VPS50: variants seen among roughly 807,000 people sequenced by gnomAD.
VPS50 encodes the protein syndetin.
VPS50 carries 70 observed loss-of-function variants against 139.7 expected under a neutral mutation model. The ratio of observed to expected loss-of-function variants is 0.50; its 90% CI spans 0.41 to 0.61. The LOEUF is 0.61. Ranked by LOEUF, VPS50 falls within the 20% of genes least tolerant of loss-of-function variation. The pLI, the probability that VPS50 is intolerant of heterozygous loss-of-function variation, is 0.00. For synonymous variants in VPS50, 365 were observed against 376.7 expected (o/e 0.97, Z 0.36); for missense variants, 921 against 1,133.7 (o/e 0.81, Z 2.69).
At position 93,311,429 on chromosome 7, in the gene VPS50, C is replaced by T. The variant is rs146344653; in HGVS notation, c.1855+157C>T. Reference sequence around the variant, plus strand: ...GTCAATGCTTCTCATTTTAAATGTTCCAAATACTATAATACTAATAGTAAT... The same window carrying T: ...GTCAATGCTTCTCATTTTAAATGTTTCAAATACTATAATACTAATAGTAAT... On this transcript the variant is annotated intron_variant, in intron 20 of 27. Coordinates refer to ENST00000305866, the MANE Select transcript of VPS50 (RefSeq NM_017667.4). Among the ~76,000 whole-genome samples the T allele has an allele frequency of 2.6e-5, 4 of 152,164 alleles. No homozygotes were observed. In the East Asian group the frequency reaches 7.7e-4, roughly 29 times the overall value.
chr7:93,357,544 T>C (rs562035277), intron 27 of VPS50, among the ~76,000 whole-genome samples: 282 of 152,272 alleles, frequency 1.9e-3, no homozygotes, highest in African/African-American at 6.5e-3. Flanking sequence ...TGCCAAGTTT[T>C]TAAAATCAAT....
At chr7:93,331,906 A>G (rs1277462822) in intron 21 of VPS50, among the ~76,000 whole-genome samples, 1 of 152,192 alleles carries the variant, frequency 6.6e-6, no homozygotes, top group Non-Finnish European at 1.5e-5. Flanking sequence ...ATGGGAAGAG[A>G]TTTTATCAGG....
intron 23 of VPS50, among the ~76,000 whole-genome samples, chr7:93,344,042 A>G (rs947000670): frequency 6.6e-6 from 1 of 152,200 alleles, no homozygotes; most frequent in African/African-American, 2.4e-5. Flanking sequence ...GGCAAATTGG[A>G]TAAAGAGTCA....
chr7:93,249,070 A>G (rs1795238980), intron 2 of VPS50, among the ~76,000 whole-genome samples: 1 of 151,990 alleles, frequency 6.6e-6, no homozygotes, highest in Admixed American at 6.6e-5. Flanking sequence ...TCAGAGTATC[A>G]GGTGTTCCAT....
chr7:93,303,346 T>C, intron 16 of VPS50, 114 bp from the exon 17 acceptor site: 1 of 450,432 alleles, frequency 2.2e-6, no homozygotes, highest in Non-Finnish European at 3.9e-6. Flanking sequence ...TCAAAGTTGA[T>C]TATGATCATG....
intron 17 of VPS50, among the ~76,000 whole-genome samples, chr7:93,305,211 C>T (rs36046095): frequency 0.02 from 3,041 of 151,972 alleles, 49 homozygotes; most frequent in Middle Eastern, 0.061. Flanking sequence ...GCCTCAGTTT[C>T]CTCATGTGGT....
At chr7:93,327,902 A>C (rs1357794760) in intron 21 of VPS50, among the ~76,000 whole-genome samples, 2 of 152,204 alleles carry the variant, frequency 1.3e-5, no homozygotes, top group African/African-American at 4.8e-5. Flanking sequence ...TGTCAGAAGA[A>C]AGGGACTTGT....
At chr7:93,258,495 A>G in intron 8 of VPS50, 103 bp downstream of exon 8, 1 of 864,200 alleles carries the variant, frequency 1.2e-6, no homozygotes, top group Non-Finnish European at 1.9e-6. Context: ...TTTATGATAT[A>G]AAGAATATTT....
At chr7:93,307,396 A>C (rs1447916396) in intron 18 of VPS50, among the ~76,000 whole-genome samples, 1 of 151,950 alleles carries the variant, frequency 6.6e-6, no homozygotes, top group Non-Finnish European at 1.5e-5. Flanking sequence ...AACAAAAAGC[A>C]CAAAAATACA....
chr7:93,305,967 A>G lies in VPS50; in HGVS notation c.1592A>G (p.Lys531Arg), dbSNP rs371073974. 23 of 1,612,398 alleles carry G rather than the reference A, an allele frequency of 1.4e-5. No homozygotes were observed. Among genetic ancestry groups the G allele is most frequent in the Non-Finnish European group, 1.8e-5 (21 of 1,178,784 alleles). The change falls in exon 18 of 28, where the codon AAA becomes AGA. Residue 531 changes from lysine (K) to arginine (R), a missense_variant. Transcript: ENST00000305866. The part of the protein sequence containing the change: ...GNPFEIQANH[K>R]DEETEDVLAS... ...CCATTTGAAATTCAGGCCAACCACAAAGATGAAGAAACAGAAGATGTCTTA... is the reference window on the plus strand; with the variant it reads ...CCATTTGAAATTCAGGCCAACCACAGAGATGAAGAAACAGAAGATGTCTTA...
chr7:93,244,387 C>T (rs891189488), intron 2 of VPS50, among the ~76,000 whole-genome samples: 2 of 151,798 alleles, frequency 1.3e-5, no homozygotes, highest in South Asian at 4.1e-4. Context: ...TACAGTTTTA[C>T]CAAAATTTGT....
chr7:93,354,643 AT>A (rs1798652718), intron 26 of VPS50, among the ~76,000 whole-genome samples: 1 of 152,068 alleles, frequency 6.6e-6, no homozygotes, highest in Admixed American at 6.6e-5. Context: ...CCCTTATATC[AT>A]CATTAATAAT....
chr7:93,259,674 C>G, intron 9 of VPS50, 42 bp downstream of exon 9: 1 of 975,580 alleles, frequency 1.0e-6, no homozygotes, highest in Non-Finnish European at 1.7e-6. Flanking sequence ...CTGTTGTCAG[C>G]TTCTTATGTA....
Position 93,296,848 on chromosome 7 carries a change from G to A in VPS50, c.1262+12G>A. The A allele has an allele frequency of 6.3e-7, 1 of 1,584,286 alleles. No individual in the cohort carries two copies. The highest frequency in any genetic ancestry group is 8.5e-7 in the Non-Finnish European group (1 of 1,171,264). On this transcript the variant is annotated intron_variant, in intron 15 of 27. Coordinates refer to ENST00000305866, the MANE Select transcript of VPS50 (RefSeq NM_017667.4). ...GATATAATCAGCAGGTAGTATTTAA[G>A]ATCTTGTCTTATTCTTTAGTTTGAG...
At chr7:93,297,650 T>G (rs1796850172) in intron 16 of VPS50, among the ~76,000 whole-genome samples, 1 of 152,132 alleles carries the variant, frequency 6.6e-6, no homozygotes, top group Non-Finnish European at 1.5e-5. Context: ...GTAAGAAGGA[T>G]TCTAGAGGAG....
intron 17 of VPS50, among the ~76,000 whole-genome samples, chr7:93,305,606 A>T (rs1797091807): frequency 6.6e-6 from 1 of 151,908 alleles, no homozygotes; most frequent in African/African-American, 2.4e-5. Flanking sequence ...TGCAGATGAT[A>T]CTGTTTTAAG....
At chr7:93,272,822 C>G in intron 11 of VPS50, 89 bp downstream of exon 11, 1 of 622,374 alleles carries the variant, frequency 1.6e-6, no homozygotes, top group Non-Finnish European at 2.8e-6. Flanking sequence ...ATCTCATGTC[C>G]TTAAAAAGTT....
Position 93,252,707 on chromosome 7 carries a change from C to G in VPS50, c.157C>G (p.Leu53Val). ...QPSDPQAEQE[L>V]INSIEQVYFS... ...AAGTGACCCTCAAGCTGAACAAGAGCTTATTAATAGTATTGAACAAGTATA... is the reference window on the plus strand; with the variant it reads ...AAGTGACCCTCAAGCTGAACAAGAGGTTATTAATAGTATTGAACAAGTATA... Residue 53 changes from leucine (L) to valine (V), a missense_variant, in exon 3 of 28, where the codon CTT (leucine) becomes GTT (valine). Physicochemically the swap from Leu to Val is conservative, Grantham distance 32 (BLOSUM62 1). Around this residue, in one of 3 missense-constraint regions of VPS50, gnomAD observed 744 missense variants for 930.6 expected, o/e 0.80. Transcript: ENST00000305866. 6.3e-7 allele frequency: 1 copy of G among 1,595,122 alleles called. No homozygotes were observed. The highest frequency in any genetic ancestry group is 8.6e-7 in the Non-Finnish European group (1 of 1,165,470).
intron 1 of VPS50, among the ~76,000 whole-genome samples, chr7:93,239,640 C>T (rs918891067): frequency 2.0e-5 from 3 of 151,882 alleles, no homozygotes; most frequent in Admixed American, 6.6e-5. Flanking sequence ...GTGAAGTTGC[C>T]GTATAATACT....
Sources: allele counts gnomAD v4.1 joint callset (sites outside exome capture counted in the v4.1 genomes callset), GRCh38; gene constraint gnomAD v4.1.1; regional missense constraint gnomAD v4.1.1; transcripts MANE v1.5; gene names NCBI Gene and HGNC (gene_info 2026-07-23, HGNC 2026-07-21).